The following ZFAT variants were observed in gnomAD, a reference collection of about 807,000 sequenced individuals.
The protein encoded by ZFAT is zinc finger and AT-hook domain containing.
A neutral mutation model predicts 117.7 loss-of-function variants in ZFAT; 64 were observed. That is an observed-to-expected ratio of 0.54 (90% CI 0.44 to 0.67). ZFAT has a LOEUF of 0.67. Ranked by LOEUF, ZFAT falls within the 30% of genes least tolerant of loss-of-function variation. The probability of loss-of-function intolerance (pLI) is 0.00; values close to 1 mark genes in which losing one functional copy is unlikely to be tolerated. For synonymous variants in ZFAT, 679 were observed against 615.0 expected, an observed-to-expected ratio of 1.10 and a Z score of -1.54; for missense variants, 1,433 against 1,584.5, an observed-to-expected ratio of 0.90 and a Z score of 1.62.
chr8:134,671,474 AG>A (rs1563749732), intron 1 of ZFAT, among the ~76,000 whole-genome samples: 2 of 152,250 alleles, frequency 1.3e-5, no homozygotes, highest in African/African-American at 4.8e-5. Context: ...AATGTAATCC[AG>A]CATATAAACA....
intron 1 of ZFAT, among the ~76,000 whole-genome samples, chr8:134,695,565 C>G (rs984749836): frequency 1.9e-4 from 28 of 150,838 alleles, no homozygotes; most frequent in Admixed American, 1.8e-3. Flanking sequence ...ACCACCACCC[C>G]CAGGCCCAGG....
chr8:134,721,643 A>T, the ZFAT span, among the ~76,000 whole-genome samples: 1 of 151,832 alleles, frequency 6.6e-6, no homozygotes, highest in Non-Finnish European at 1.5e-5. Context: ...TACCTGCTGG[A>T]CTCCTTTCCA....
chr8:134,696,234 G>A (rs1426020615), intron 1 of ZFAT, among the ~76,000 whole-genome samples: 3 of 152,010 alleles, frequency 2.0e-5, no homozygotes, highest in Non-Finnish European at 4.4e-5. Context: ...TCTAAGCAAG[G>A]AGGCTCCCCA....
intron 15 of ZFAT, among the ~76,000 whole-genome samples, chr8:134,504,509 T>C (rs1029955711): frequency 6.6e-5 from 10 of 152,134 alleles, no homozygotes; most frequent in African/African-American, 2.4e-4. Context: ...AAGACAAATG[T>C]CAGTGACAGT....
chr8:134,691,643 G>A lies in ZFAT; in HGVS notation c.19+21202C>T, dbSNP rs139499595. Among the ~76,000 whole-genome samples, 9 of 152,258 alleles carry A rather than the reference G, an allele frequency of 5.9e-5. No individual in the cohort carries two copies. In the East Asian group the frequency reaches 7.7e-4, roughly 13 times the overall value. On this transcript the variant is annotated intron_variant, in intron 1 of 15. Transcript: ENST00000377838. Reference sequence around the variant, plus strand: ...CCTAGCTTTCTCAGAGAGACTTTTCGTAAATCCCCTTCAATATTAATGAGG... The same window carrying A: ...CCTAGCTTTCTCAGAGAGACTTTTCATAAATCCCCTTCAATATTAATGAGG...
intron 3 of ZFAT, among the ~76,000 whole-genome samples, chr8:134,611,532 C>T (rs1044509006): frequency 2.0e-5 from 3 of 152,050 alleles, no homozygotes; most frequent in South Asian, 2.1e-4. Flanking sequence ...TTTGGGGAAT[C>T]GGGGGTGAAA....
At chr8:134,782,713 T>C in the ZFAT span, among the ~76,000 whole-genome samples, 3,403 of 152,200 alleles carry the variant, frequency 0.022, 68 homozygotes, top group African/African-American at 0.062. Context: ...CCATGCAAGA[T>C]GTGCCTTTTG....
the ZFAT span, among the ~76,000 whole-genome samples, chr8:134,831,699 C>A: frequency 6.6e-6 from 1 of 152,150 alleles, no homozygotes; most frequent in Non-Finnish European, 1.5e-5. Flanking sequence ...GGGGAGGGGC[C>A]CACCTGCCTC....
At chr8:134,574,793 A>G (rs1429448159) in intron 10 of ZFAT, among the ~76,000 whole-genome samples, 1 of 152,204 alleles carries the variant, frequency 6.6e-6, no homozygotes, top group Non-Finnish European at 1.5e-5. Context: ...TAGAGGCATA[A>G]AAGTAAAAAT....
chr8:134,559,191 C>T (rs1384073286), intron 11 of ZFAT, among the ~76,000 whole-genome samples: 6 of 152,292 alleles, frequency 3.9e-5, no homozygotes, highest in African/African-American at 1.2e-4. Flanking sequence ...CACTCTCAGC[C>T]CTGTCCCTCA....
the ZFAT span, among the ~76,000 whole-genome samples, chr8:134,812,898 T>G: frequency 6.6e-6 from 1 of 152,222 alleles, no homozygotes; most frequent in East Asian, 1.9e-4. Context: ...CTATCCTCTT[T>G]TTGTAAATGA....
intron 1 of ZFAT, among the ~76,000 whole-genome samples, chr8:134,679,314 T>C (rs200463037): frequency 1.3e-5 from 2 of 152,258 alleles, no homozygotes; most frequent in East Asian, 1.9e-4. Flanking sequence ...AAGACATTCA[T>C]GCAGCCAACA....
chr8:134,743,409 A>C, the ZFAT span, among the ~76,000 whole-genome samples: 1 of 152,142 alleles, frequency 6.6e-6, no homozygotes, highest in Non-Finnish European at 1.5e-5. Context: ...GAATAGCTTG[A>C]ACCTGGGAGG....
At chr8:134,787,640 G>A in the ZFAT span, among the ~76,000 whole-genome samples, 1 of 151,902 alleles carries the variant, frequency 6.6e-6, no homozygotes, top group Non-Finnish European at 1.5e-5. Flanking sequence ...CAGTTTTATT[G>A]CTCAAGTTTA....
At chr8:134,585,927 T>C (rs1826037511) in intron 9 of ZFAT, among the ~76,000 whole-genome samples, 1 of 152,224 alleles carries the variant, frequency 6.6e-6, no homozygotes, top group South Asian at 2.1e-4. Flanking sequence ...ACACAAATGG[T>C]TAATTTCTGT....
At chr8:134,581,742 G>A (rs1313767280) in intron 10 of ZFAT, among the ~76,000 whole-genome samples, 1 of 152,088 alleles carries the variant, frequency 6.6e-6, no homozygotes, top group African/African-American at 2.4e-5. Context: ...GAGCCACCAT[G>A]CCCCGTTAAT....
intron 7 of ZFAT, chr8:134,598,662 G>A (rs2130911605): frequency 6.6e-6 from 1 of 152,218 alleles, no homozygotes; most frequent in East Asian, 1.9e-4. Flanking sequence ...GTCCCAGGTG[G>A]TAAAGCTCAA....
intron 11 of ZFAT, among the ~76,000 whole-genome samples, chr8:134,536,583 G>A (rs1251990278): frequency 6.6e-6 from 1 of 152,178 alleles, no homozygotes; most frequent in African/African-American, 2.4e-5. Context: ...CAGGCCAGCA[G>A]GGAATTCTCC....
chr8:134,798,653 C>A, the ZFAT span, among the ~76,000 whole-genome samples: 1 of 151,922 alleles, frequency 6.6e-6, no homozygotes. Flanking sequence ...ATCTGATAGC[C>A]CACATGATCA....
Sources: allele counts gnomAD v4.1 joint callset (sites outside exome capture counted in the v4.1 genomes callset), GRCh38; gene constraint gnomAD v4.1.1; transcripts MANE v1.5; gene names NCBI Gene and HGNC (gene_info 2026-07-23, HGNC 2026-07-21).